NPAS3: variants seen among roughly 807,000 people sequenced by gnomAD.
NPAS3 encodes neuronal PAS domain-containing protein 3.
NPAS3 carries 14 observed loss-of-function variants against 73.1 expected under a neutral mutation model. The ratio of observed to expected loss-of-function variants is 0.19; its 90% confidence interval spans 0.13 to 0.30. The LOEUF (loss-of-function observed/expected upper bound fraction) is 0.30. NPAS3 is among the 10% of genes least tolerant of loss of function. The pLI is 1.00. For synonymous variants in NPAS3, 620 were observed against 541.5 expected (o/e 1.14, Z -2.01); for missense variants, 1,096 against 1,250.0 (o/e 0.88, Z 1.86).
chr14:33,628,590 C>A (rs1001660488), intron 5 of NPAS3, among the ~76,000 whole-genome samples: 9 of 152,188 alleles, frequency 5.9e-5, no homozygotes, highest in African/African-American at 2.2e-4. Flanking sequence ...TCATCTTTGT[C>A]TTTTTATTGA....
chr14:32,978,847 T>C (rs1167198580), intron 1 of NPAS3, among the ~76,000 whole-genome samples: 2 of 152,232 alleles, frequency 1.3e-5, no homozygotes, highest in East Asian at 1.9e-4. Flanking sequence ...TAATGACTAC[T>C]TGCAGTTTCA....
intron 2 of NPAS3, among the ~76,000 whole-genome samples, chr14:33,084,563 C>A (rs1336217206): frequency 6.6e-6 from 1 of 152,122 alleles, no homozygotes; most frequent in Non-Finnish European, 1.5e-5. Context: ...AGGTGGCTAA[C>A]CCTTCCTCCT....
chr14:33,519,167 A>G (rs1335264201), intron 4 of NPAS3, among the ~76,000 whole-genome samples: 1 of 152,026 alleles, frequency 6.6e-6, no homozygotes, highest in Non-Finnish European at 1.5e-5. Flanking sequence ...CTTAGCTCAG[A>G]TTTACCAGTT....
chr14:33,642,536 C>T (rs1302468188), intron 5 of NPAS3, among the ~76,000 whole-genome samples: 2 of 152,120 alleles, frequency 1.3e-5, no homozygotes, highest in Non-Finnish European at 2.9e-5. Flanking sequence ...TCTTTTAAGT[C>T]TGGGTACAAG....
At chr14:33,342,769 C>T (rs76058582) in intron 3 of NPAS3, among the ~76,000 whole-genome samples, 2,003 of 151,568 alleles carry the variant, frequency 0.013, 42 homozygotes, top group African/African-American at 0.046. Flanking sequence ...CTTGGTATGC[C>T]GTGTGTTGTT....
intron 2 of NPAS3, among the ~76,000 whole-genome samples, chr14:33,069,719 A>C (rs2041416263): frequency 6.6e-6 from 1 of 152,248 alleles, no homozygotes; most frequent in African/African-American, 2.4e-5. Context: ...CTGGAAGTGC[A>C]TACTAAGTAC....
intron 2 of NPAS3, among the ~76,000 whole-genome samples, chr14:33,088,775 C>T (rs1377322982): frequency 2.6e-5 from 4 of 152,214 alleles, no homozygotes; most frequent in Non-Finnish European, 5.9e-5. Context: ...AGGAACCCCC[C>T]AGTAGGGGCA....
At chr14:33,061,224 C>T (rs560119531) in intron 2 of NPAS3, among the ~76,000 whole-genome samples, 1 of 152,296 alleles carries the variant, frequency 6.6e-6, no homozygotes, top group Admixed American at 6.5e-5. Flanking sequence ...GCTCCAGCAG[C>T]AGGAGTGAAT....
intron 4 of NPAS3, among the ~76,000 whole-genome samples, chr14:33,523,516 A>G (rs892952131): frequency 9.3e-5 from 14 of 150,766 alleles, no homozygotes; most frequent in African/African-American, 3.4e-4. Context: ...TAATCCCAGC[A>G]CTTTGGGAGG....
intron 5 of NPAS3, among the ~76,000 whole-genome samples, chr14:33,656,800 T>A (rs1017260628): frequency 6.6e-6 from 1 of 152,196 alleles, no homozygotes; most frequent in African/African-American, 2.4e-5. Context: ...GTACATTAGA[T>A]CTCTAGAACT....
intron 2 of NPAS3, among the ~76,000 whole-genome samples, chr14:33,163,438 ATGTAGAGAGAAAG>A: frequency 6.6e-6 from 1 of 152,126 alleles, no homozygotes; most frequent in Non-Finnish European, 1.5e-5. Context: ...TTGAGTTGAT[ATGTAGAGAGAAAG>A]AATCTTTCAT....
intron 1 of NPAS3, among the ~76,000 whole-genome samples, chr14:32,970,769 C>T (rs1213916424): frequency 6.6e-6 from 1 of 152,188 alleles, no homozygotes; most frequent in Non-Finnish European, 1.5e-5. Flanking sequence ...TATCTGCCTT[C>T]ATCTTCACAT....
At position 33,095,672 on chromosome 14, in the gene NPAS3, T is replaced by A. The variant is rs544491361; in HGVS notation, c.140+39678T>A. Among the ~76,000 whole-genome samples, 79 of 136,354 alleles carry A rather than the reference T, an allele frequency of 5.8e-4. 4 individuals are homozygous for A. The South Asian group carries it at 0.014, about 24-fold the overall frequency. 89.5% of individuals were successfully genotyped at this position (136,354 alleles called of 152,430 possible). ...GCATTCTCTGCTTTTATTTTTTTATTTTTTTTTTTTTTTTGAGAGGGAGTC... is the reference window on the plus strand; with the variant it reads ...GCATTCTCTGCTTTTATTTTTTTATATTTTTTTTTTTTTTGAGAGGGAGTC... On this transcript the variant is annotated intron_variant, in intron 2 of 11. Coordinates refer to ENST00000356141, the Ensembl canonical transcript of NPAS3.
chr14:33,354,040 A>G (rs957659245), intron 3 of NPAS3, among the ~76,000 whole-genome samples: 9 of 152,170 alleles, frequency 5.9e-5, no homozygotes, highest in Non-Finnish European at 1.3e-4. Context: ...GAAAAAAAAT[A>G]GTGTGTTGCT....
intron 5 of NPAS3, among the ~76,000 whole-genome samples, chr14:33,591,203 C>A (rs1184894866): frequency 6.6e-6 from 1 of 152,120 alleles, no homozygotes; most frequent in Admixed American, 6.5e-5. Flanking sequence ...CTGTCCTTGC[C>A]TGTATGGGAC....
intron 2 of NPAS3, among the ~76,000 whole-genome samples, chr14:33,212,701 A>T (rs1173442367): frequency 6.6e-6 from 1 of 152,196 alleles, no homozygotes; most frequent in Non-Finnish European, 1.5e-5. Context: ...ATTATTGATA[A>T]GCCTATACAT....
intron 3 of NPAS3, among the ~76,000 whole-genome samples, chr14:33,216,376 C>T (rs903197988): frequency 3.3e-5 from 5 of 152,046 alleles, no homozygotes; most frequent in South Asian, 2.1e-4. Flanking sequence ...GGGTACTAGT[C>T]GGGAGCTGTA....
At chr14:33,558,006 T>A (rs1220273915) in intron 4 of NPAS3, among the ~76,000 whole-genome samples, 2 of 152,166 alleles carry the variant, frequency 1.3e-5, no homozygotes, top group East Asian at 3.9e-4. Flanking sequence ...ATACTATAAT[T>A]TCATATAGTA....
At chr14:33,298,492 C>T (rs1401326959) in intron 3 of NPAS3, among the ~76,000 whole-genome samples, 3 of 152,140 alleles carry the variant, frequency 2.0e-5, no homozygotes, top group Non-Finnish European at 4.4e-5. Flanking sequence ...GAAGTCTGAT[C>T]ATCTTTGGAA....
Sources: allele counts gnomAD v4.1 joint callset (sites outside exome capture counted in the v4.1 genomes callset), GRCh38; gene constraint gnomAD v4.1.1; transcripts MANE v1.5; gene names NCBI Gene and HGNC (gene_info 2026-07-23, HGNC 2026-07-21).